The following TOP1MT variants were observed in gnomAD, a reference collection of about 807,000 sequenced individuals.
The protein encoded by TOP1MT is DNA topoisomerase I mitochondrial.
A neutral mutation model predicts 73.9 loss-of-function variants in TOP1MT; 80 were observed. The observed-to-expected ratio is 1.08, with a 90% CI of 0.90 to 1.30. TOP1MT has a LOEUF of 1.30. TOP1MT is among the 50% of genes most tolerant of loss of function. TOP1MT has a pLI of 0.00. For synonymous variants in TOP1MT, 338 were observed against 326.4 expected (o/e 1.04, Z -0.38); for missense variants, 815 against 808.0 (o/e 1.01, Z -0.10).
chr8:143,335,042 G>T, upstream of TOP1MT: 1 of 594,142 alleles, frequency 1.7e-6, no homozygotes, highest in Non-Finnish European at 2.3e-6. Context: ...TGTCCTGCCG[G>T]CCTCCCCCTG....
rs763441442 is a variant in TOP1MT, at chr8:143,324,100, G to A, written c.859C>T (p.Arg287Trp). Residue 287 changes from arginine to tryptophan, a missense_variant, in exon 7 of 14, where the codon CGG (arginine) becomes TGG (tryptophan). Around this residue, in one of 3 missense-constraint regions of TOP1MT, gnomAD observed 751 missense variants for 725.4 expected, o/e 1.04. Transcript: ENST00000329245. The part of the protein sequence containing the change: ...WQKFETARRL[R>W]GFVDEIRSQY... Reference sequence around the variant, plus strand: ...GAGCGGATCTCGTCCACAAATCCCCGCAGGCGTCGAGCTGTTTCAAACTTC... The same window carrying A: ...GAGCGGATCTCGTCCACAAATCCCCACAGGCGTCGAGCTGTTTCAAACTTC... 98 of 1,613,686 alleles carry A rather than the reference G, an allele frequency of 6.1e-5. 1 individual carries two copies. In the South Asian group the frequency reaches 8.9e-4, roughly 15 times the overall value.
At chr8:143,316,818 G>A (rs148195350) in intron 10 of TOP1MT, among the ~76,000 whole-genome samples, 1,634 of 152,302 alleles carry the variant, frequency 0.011, 9 homozygotes, top group Non-Finnish European at 0.015. Context: ...CTGGAAGCAC[G>A]TCCACAGTGG....
chr8:143,339,842 CG>C (rs1817044232), upstream of TOP1MT, among the ~76,000 whole-genome samples: 4 of 138,974 alleles, frequency 2.9e-5, no homozygotes, highest in Non-Finnish European at 3.1e-5. Context: ...GCATTCCCCC[CG>C]TCCCAGCACT....
upstream of TOP1MT, among the ~76,000 whole-genome samples, chr8:143,356,741 G>A (rs547679256): frequency 1.0e-3 from 138 of 135,290 alleles, no homozygotes; most frequent in African/African-American, 3.6e-3. Context: ...AGCTGAGATC[G>A]CGCCACTGAA....
At chr8:143,328,044 T>G (rs1223903710) in intron 3 of TOP1MT, 1 of 335,066 alleles carries the variant, frequency 3.0e-6, no homozygotes, top group African/African-American at 2.2e-5. Flanking sequence ...TGACAAAACA[T>G]GAAACGTGGG....
intron 2 of TOP1MT, 49 bp from the exon 3 acceptor site, chr8:143,329,520 G>A (rs1225822918): frequency 6.3e-7 from 1 of 1,584,144 alleles, no homozygotes; most frequent in East Asian, 2.3e-5. Flanking sequence ...CAGAGGCTCG[G>A]CCTCCAGCTG....
rs775687085 is a variant in TOP1MT, at chr8:143,316,143, G to A, written c.1331-17C>T. 2.5e-6 allele frequency: 4 copies of A among 1,613,954 alleles called. No homozygotes were observed. The Admixed American group carries it at 5.0e-5, about 20-fold the overall frequency. ...TGTCCTCGGCTGAGAGGCACGGGCT[G>A]TCAGAGGCAGCACCCACGGGGCCGG... is the stretch of plus-strand genomic sequence containing the variant. On this transcript the variant is annotated splice_polypyrimidine_tract_variant and intron_variant, in intron 10 of 13. Coordinates refer to ENST00000329245, the MANE Select transcript of TOP1MT (RefSeq NM_052963.3).
In TOP1MT at chr8:143,318,038, C is replaced by A; in HGVS notation, c.1195G>T (p.Asp399Tyr). Residue 399 changes from aspartate (D) to tyrosine (Y), a missense_variant, in exon 9 of 14, where the codon GAC becomes TAC. Physicochemically the swap from Asp to Tyr is radical, Grantham distance 160 (BLOSUM62 -3). Around this residue, in one of 3 missense-constraint regions of TOP1MT, gnomAD observed 751 missense variants for 725.4 expected, o/e 1.04. Coordinates refer to ENST00000329245, the MANE Select transcript of TOP1MT (RefSeq NM_052963.3). ...CTTACGGTCAGCCTGTCGAAGAGGT[C>A]GTCCCGGGGGTCCTTGTTCTCCATA... ...LFMENKDPRD[D>Y]LFDRLTTTSL... 6.2e-7 allele frequency: 1 copy of A among 1,614,122 alleles called. No individual in the cohort carries two copies. The highest frequency in any genetic ancestry group is 1.1e-5 in the South Asian group (1 of 91,076).
chr8:143,319,908 G>A (rs1816282355), intron 8 of TOP1MT, among the ~76,000 whole-genome samples: 1 of 151,534 alleles, frequency 6.6e-6, no homozygotes, highest in South Asian at 2.1e-4. Flanking sequence ...GGTAGATCAC[G>A]AGGTCAAGAG....
chr8:143,314,951 T>C (rs912001202), intron 12 of TOP1MT, among the ~76,000 whole-genome samples: 11 of 152,310 alleles, frequency 7.2e-5, no homozygotes, highest in South Asian at 4.1e-4. Context: ...AGTGCGAGCC[T>C]TCTGTTATGC....
At chr8:143,325,576 A>G in intron 4 of TOP1MT, 43 bp from the exon 5 acceptor site, 1 of 1,572,820 alleles carries the variant, frequency 6.4e-7, no homozygotes, top group Non-Finnish European at 8.7e-7. Flanking sequence ...AGTGAAGAGA[A>G]GAGAACAGGC....
intron 7 of TOP1MT, among the ~76,000 whole-genome samples, chr8:143,321,611 CACG>C (rs1816374664): frequency 7.9e-6 from 1 of 126,718 alleles, no homozygotes; most frequent in Non-Finnish European, 1.6e-5. Context: ...CACACGCACG[CACG>C]CCACACGCAC....
chr8:143,358,823 C>A (rs1308616510), upstream of TOP1MT, among the ~76,000 whole-genome samples: 1 of 152,098 alleles, frequency 6.6e-6, no homozygotes, highest in Non-Finnish European at 1.5e-5. Context: ...GAGAGGCAAC[C>A]GGCCACGAGC....
rs1450573977 is a variant in TOP1MT at position 143,322,760 on chromosome 8, A to ACACG, written c.960+1235_960+1238dup. On this transcript the variant is annotated intron_variant, in intron 7 of 13. Transcript: ENST00000329245. The stretch of plus-strand genomic sequence containing the variant: ...CACGCCACACACGCACGCACGCCAC[A>ACACG]CACGCACGCCACACACAGGCACGCC... Among the ~76,000 whole-genome samples the ACACG allele has an allele frequency of 6.9e-4, 21 of 30,370 alleles. 3 individuals carry two copies. Among genetic ancestry groups the ACACG allele is most frequent in the East Asian group, 1.4e-3 (1 of 732 alleles). 19.9% of individuals were successfully genotyped at this position (30,370 alleles called of 152,430 possible).
intron 2 of TOP1MT, among the ~76,000 whole-genome samples, chr8:143,342,037 C>A (rs575070109): frequency 5.0e-5 from 7 of 138,704 alleles, no homozygotes; most frequent in South Asian, 2.2e-4. Flanking sequence ...GACAGAGTCT[C>A]GCTGTTATTA....
At chr8:143,352,342 G>A (rs778047114) in intron 1 of TOP1MT, among the ~76,000 whole-genome samples, 17 of 152,180 alleles carry the variant, frequency 1.1e-4, no homozygotes, top group Non-Finnish European at 2.4e-4. Flanking sequence ...AGAAGGACAC[G>A]CAGAGACCGG....
upstream of TOP1MT, among the ~76,000 whole-genome samples, chr8:143,359,607 C>A (rs375548668): frequency 6.8e-6 from 1 of 147,674 alleles, no homozygotes; most frequent in Non-Finnish European, 1.5e-5. Flanking sequence ...AACAAGGGGG[C>A]CTGGAGGGGG....
chr8:143,354,488 G>A (rs533559225), intron 1 of TOP1MT, among the ~76,000 whole-genome samples: 70 of 152,174 alleles, frequency 4.6e-4, no homozygotes, highest in South Asian at 8.3e-4. Flanking sequence ...TGAGGCAGGC[G>A]GATTACCTGA....
At chr8:143,340,915 T>C (rs1817067877) in intron 2 of TOP1MT, among the ~76,000 whole-genome samples, 2 of 152,158 alleles carry the variant, frequency 1.3e-5, no homozygotes, top group South Asian at 4.1e-4. Flanking sequence ...CCCGTAACTC[T>C]CCTTTCTGCT....
Sources: allele counts gnomAD v4.1 joint callset (sites outside exome capture counted in the v4.1 genomes callset), GRCh38; gene constraint gnomAD v4.1.1; regional missense constraint gnomAD v4.1.1; transcripts MANE v1.5; gene names NCBI Gene and HGNC (gene_info 2026-07-23, HGNC 2026-07-21).